NUGGC: variants seen among roughly 807,000 people sequenced by gnomAD.
NUGGC encodes the protein nuclear GTPase SLIP-GC.
Under a neutral mutation model 92.6 loss-of-function variants are expected in NUGGC, and 58 were observed. That is an observed-to-expected ratio of 0.63 (90% CI 0.51 to 0.78). The LOEUF (loss-of-function observed/expected upper bound fraction) is 0.78, where lower values mean the gene tolerates loss of function less well. Ranked by LOEUF, NUGGC falls within the 30% of genes least tolerant of loss-of-function variation. NUGGC has a pLI of 0.00. For synonymous variants in NUGGC, 376 were observed against 366.4 expected (o/e 1.03, Z -0.30); for missense variants, 925 against 964.6 (o/e 0.96, Z 0.54).
In NUGGC at chr8:28,041,162, C is replaced by A. The variant is rs772027888; in HGVS notation, c.1500G>T (p.Glu500Asp). 1.2e-6 allele frequency: 2 copies of A among 1,611,154 alleles called. No individual in the cohort carries two copies. Among genetic ancestry groups the A allele is most frequent in the Non-Finnish European group, 1.7e-6 (2 of 1,178,918 alleles). Residue 500 changes from glutamate (E) to aspartate (D), a missense_variant, in exon 13 of 19, where the codon GAG (glutamate) becomes GAT (aspartate). By Grantham distance (45) the Glu-to-Asp change is conservative. Transcript: ENST00000413272. ...ACTGTGCGATGGCCTTCTCCAGCAG[C>A]TCAACCTTCTCTTCCGCAAATCTCC... ...VLRRFAEEKVELLEKAIAQCF... is the reference protein window; with the variant it reads ...VLRRFAEEKVDLLEKAIAQCF...
intron 7 of NUGGC, among the ~76,000 whole-genome samples, chr8:28,063,305 T>C (rs1196214779): frequency 6.6e-6 from 1 of 152,192 alleles, no homozygotes; most frequent in Non-Finnish European, 1.5e-5. Flanking sequence ...CTGAGCCAGA[T>C]CTGCCGTCTT....
intron 18 of NUGGC, among the ~76,000 whole-genome samples, chr8:28,024,471 C>T (rs375116227): frequency 2.6e-5 from 4 of 152,124 alleles, no homozygotes; most frequent in African/African-American, 4.8e-5. Context: ...AGATTTTGGG[C>T]TCACCAAGCC....
chr8:28,046,438 C>T (rs1484350412), intron 11 of NUGGC, among the ~76,000 whole-genome samples: 7 of 152,152 alleles, frequency 4.6e-5, no homozygotes, highest in African/African-American at 1.7e-4. Context: ...ATCTAGCGCA[C>T]GCAGAGCTCT....
At chr8:28,028,581 C>T (rs1452770074) in intron 17 of NUGGC, among the ~76,000 whole-genome samples, 1 of 152,084 alleles carries the variant, frequency 6.6e-6, no homozygotes, top group Non-Finnish European at 1.5e-5. Flanking sequence ...AGGGAGGAAG[C>T]CCACAGTGGC....
At chr8:28,048,340 A>T (rs181075243) in intron 10 of NUGGC, among the ~76,000 whole-genome samples, 3 of 152,246 alleles carry the variant, frequency 2.0e-5, no homozygotes, top group Non-Finnish European at 4.4e-5. Flanking sequence ...TTGAGGTCCC[A>T]ATCCCCACTA....
At chr8:28,080,625 T>C (rs563547987) in intron 1 of NUGGC, among the ~76,000 whole-genome samples, 41 of 152,358 alleles carry the variant, frequency 2.7e-4, no homozygotes, top group African/African-American at 7.2e-4. Flanking sequence ...ATGATAGATA[T>C]AATTTTTTGT....
Position 28,069,571 on chromosome 8 carries a change from C to T in NUGGC, c.230G>A (p.Ser77Asn), listed in dbSNP as rs1021691366. Residue 77 changes from serine (S) to asparagine (N), a missense_variant, in exon 4 of 19, where the codon AGC (serine) becomes AAC (asparagine). Coordinates refer to ENST00000413272, the MANE Select transcript of NUGGC (RefSeq NM_001010906.2). ...GAGATACTTGACTCCATTAGGGATG[C>T]TGTCATCCAGGAAGACAGACTGAAT... ...KLIQSVFLDD[S>N]IPNGVKYLIN... is the part of the protein sequence containing the mutation. 1 of 1,599,352 alleles carries T rather than the reference C, an allele frequency of 6.3e-7. No homozygotes were observed.
chr8:28,080,002 C>T (rs1408699128), intron 1 of NUGGC, among the ~76,000 whole-genome samples: 1 of 152,056 alleles, frequency 6.6e-6, no homozygotes, highest in African/African-American at 2.4e-5. Context: ...TGCAGTGGCA[C>T]ATGATCTCAG....
chr8:28,041,220 G>A lies in NUGGC; in HGVS notation c.1447-5C>T. ...ACTCATGTGCAAGTGTTCATTCTAGGGACAAGGACCATAAAAGAATCAGGC... is the reference window on the plus strand; with the variant it reads ...ACTCATGTGCAAGTGTTCATTCTAGAGACAAGGACCATAAAAGAATCAGGC... On this transcript the variant is annotated splice_polypyrimidine_tract_variant and splice_region_variant and intron_variant, in intron 12 of 18. Coordinates refer to ENST00000413272, the MANE Select transcript of NUGGC (RefSeq NM_001010906.2). 1 of 1,606,660 alleles carries A rather than the reference G, an allele frequency of 6.2e-7. No individual in the cohort carries two copies. The highest frequency in any genetic ancestry group is 8.5e-7 in the Non-Finnish European group (1 of 1,176,422).
At chr8:28,035,235 G>T (rs1040244657) in intron 13 of NUGGC, among the ~76,000 whole-genome samples, 1 of 152,224 alleles carries the variant, frequency 6.6e-6, no homozygotes, top group Admixed American at 6.5e-5. Flanking sequence ...TCATGGGATA[G>T]AAACAGCTCT....
At chr8:28,055,730 G>A (rs181996964) in intron 10 of NUGGC, among the ~76,000 whole-genome samples, 1 of 152,200 alleles carries the variant, frequency 6.6e-6, no homozygotes, top group Non-Finnish European at 1.5e-5. Flanking sequence ...CTACTTGAGA[G>A]GCTGAGGTGG....
chr8:28,070,373 G>T lies in NUGGC; in HGVS notation c.44-17C>A. The T allele has an allele frequency of 1.6e-6, 2 of 1,286,572 alleles. No individual in the cohort carries two copies. The highest frequency in any genetic ancestry group is 1.1e-6 in the Non-Finnish European group (1 of 908,116). The allele number at this position is 1,286,572 out of a possible 1,614,324, so 79.7% of individuals were successfully genotyped here. ...CATCTTCAACTAGAGATAAACAGAG[G>T]ATATATAAGATTATAGGTGTTGGGG... On this transcript the variant is annotated splice_polypyrimidine_tract_variant and intron_variant, in intron 2 of 18. Coordinates refer to ENST00000413272, the MANE Select transcript of NUGGC (RefSeq NM_001010906.2).
At chr8:28,060,168 G>T (rs1212174386) in intron 8 of NUGGC, 3 of 609,568 alleles carry the variant, frequency 4.9e-6, no homozygotes. Context: ...TGGTACATGT[G>T]AGTGGCACCC....
chr8:28,031,095 G>A, intron 15 of NUGGC, 148 bp downstream of exon 15: 1 of 868,702 alleles, frequency 1.2e-6, no homozygotes, highest in Non-Finnish European at 1.8e-6. Context: ...ATCCCACTGG[G>A]TTCTGTATTT....
intron 15 of NUGGC, among the ~76,000 whole-genome samples, chr8:28,030,802 C>T (rs1446728811): frequency 6.6e-6 from 1 of 152,082 alleles, no homozygotes; most frequent in Non-Finnish European, 1.5e-5. Flanking sequence ...GTCTTGAGGC[C>T]TCAAAACTAA....
At chr8:28,062,807 A>G (rs1314448201) in intron 7 of NUGGC, among the ~76,000 whole-genome samples, 1 of 152,174 alleles carries the variant, frequency 6.6e-6, no homozygotes, top group Admixed American at 6.5e-5. Context: ...AACATGAGAA[A>G]AGGACAGCAA....
In NUGGC at chr8:28,067,506, G is replaced by A. The variant is rs148428517; in HGVS notation, c.711+8C>T. On this transcript the variant is annotated splice_region_variant and intron_variant, in intron 6 of 18. Coordinates refer to ENST00000413272, the MANE Select transcript of NUGGC (RefSeq NM_001010906.2). ...ATGAAATCAAGGAAAAAACGAACTT[G>A]ACGCTACCTCTTCCGCCTTGAGGGT... The A allele has an allele frequency of 7.4e-4, 1,181 of 1,585,594 alleles. 6 individuals carry two copies. In the Admixed American group the frequency reaches 0.011, roughly 14 times the overall value.
chr8:28,043,224 G>C lies in NUGGC; in HGVS notation c.1447-2009C>G, dbSNP rs192257097. Among the ~76,000 whole-genome samples the C allele has an allele frequency of 3.5e-3, 531 of 152,342 alleles. 2 individuals are homozygous for C. Among genetic ancestry groups the C allele is most frequent in the Non-Finnish European group, 6.0e-3 (408 of 68,034 alleles). ...CAAAAGAATGATAAGAAAGGGAAGAGCGGAGAATAAAAGAACAATAAGAAA... is the reference window on the plus strand; with the variant it reads ...CAAAAGAATGATAAGAAAGGGAAGACCGGAGAATAAAAGAACAATAAGAAA... On this transcript the variant is annotated intron_variant, in intron 12 of 18. Transcript: ENST00000413272.
At chr8:28,070,103 G>T (rs546835201) in intron 3 of NUGGC, 149 bp downstream of exon 3, 2 of 1,433,724 alleles carry the variant, frequency 1.4e-6, no homozygotes, top group East Asian at 2.5e-5. Flanking sequence ...ACTGCATACC[G>T]CTACAGAGAC....
Sources: allele counts gnomAD v4.1 joint callset (sites outside exome capture counted in the v4.1 genomes callset), GRCh38; gene constraint gnomAD v4.1.1; transcripts MANE v1.5; gene names NCBI Gene and HGNC (gene_info 2026-07-23, HGNC 2026-07-21).